GIMAP8: variants seen among roughly 807,000 people sequenced by gnomAD.
GIMAP8 encodes the protein GTPase, IMAP family member 8, also known as GTPase IMAP family member 8.
GIMAP8 carries 29 observed loss-of-function variants against 35.6 expected under a neutral mutation model. The observed-to-expected ratio is 0.81, with a 90% CI of 0.61 to 1.11. GIMAP8 has a LOEUF of 1.11. GIMAP8 is among the 50% of genes most tolerant of loss of function. The pLI, the probability that GIMAP8 is intolerant of heterozygous loss-of-function variation, is 0.00. For missense variants in GIMAP8, 811 were observed against 805.0 expected (o/e 1.01, Z -0.09); for synonymous variants, 335 against 308.7 (o/e 1.09, Z -0.89).
intron 1 of GIMAP8, among the ~76,000 whole-genome samples, chr7:150,460,792 G>C (rs554201168): frequency 2.1e-4 from 32 of 152,200 alleles, no homozygotes; most frequent in Non-Finnish European, 4.6e-4. Flanking sequence ...TGTGCATTTA[G>C]GGCCTACTTA....
chr7:150,468,133 C>A (rs958193505), intron 2 of GIMAP8, among the ~76,000 whole-genome samples: 1 of 152,126 alleles, frequency 6.6e-6, no homozygotes, highest in Admixed American at 6.5e-5. Context: ...CCAGAATCCA[C>A]CTGCTTCTCT....
intron 1 of GIMAP8, among the ~76,000 whole-genome samples, chr7:150,453,890 G>C (rs996035891): frequency 6.6e-6 from 1 of 151,522 alleles, no homozygotes; most frequent in Non-Finnish European, 1.5e-5. Flanking sequence ...GCATAGAGGG[G>C]TGGACAGCTC....
chr7:150,474,617 C>A lies in GIMAP8; in HGVS notation c.1288C>A (p.His430Asn). Reference sequence around the variant, plus strand: ...CATGGTGCATCAGAATGGGAACAAGCATTGTGTTTTCAGAGAAAAAGGTAA... The same window carrying A: ...CATGGTGCATCAGAATGGGAACAAGAATTGTGTTTTCAGAGAAAAAGGTAA... ...ESMVHQNGNKHCVFREKETLN... is the reference protein window; with the variant it reads ...ESMVHQNGNKNCVFREKETLN... Residue 430 changes from histidine (H) to asparagine (N), a missense_variant, in exon 4 of 5, where the codon CAT becomes AAT. By Grantham distance (68) the His-to-Asn change is moderately conservative. Transcript: ENST00000307271. The A allele has an allele frequency of 6.3e-7, 1 of 1,595,550 alleles. No homozygotes were observed. Among genetic ancestry groups the A allele is most frequent in the African/African-American group, 1.4e-5 (1 of 73,732 alleles).
intron 2 of GIMAP8, among the ~76,000 whole-genome samples, chr7:150,469,848 T>A (rs528718708): frequency 3.2e-4 from 49 of 152,366 alleles, no homozygotes; most frequent in African/African-American, 1.2e-3. Flanking sequence ...GTCCGTACTA[T>A]GGAATAAATT....
At position 150,466,850 on chromosome 7, in the gene GIMAP8, G is replaced by A. The variant is rs758956378; in HGVS notation, c.152G>A (p.Arg51Lys). 10 of 1,614,132 alleles carry A rather than the reference G, an allele frequency of 6.2e-6. No individual in the cohort carries two copies. Among genetic ancestry groups the A allele is most frequent in the Admixed American group, 1.7e-5 (1 of 60,010 alleles). ...SDQTVIKMCQRESWVLRERKV... is the reference protein window; with the variant it reads ...SDQTVIKMCQKESWVLRERKV... ...CAGACAGTGATCAAAATGTGCCAGA[G>A]AGAGAGTTGGGTCCTGAGAGAAAGG... Residue 51 changes from arginine to lysine, a missense_variant, in exon 2 of 5, where the codon AGA becomes AAA. Arg to Lys is a conservative substitution (Grantham distance 26). Transcript: ENST00000307271.
In GIMAP8 at chr7:150,466,940, G is replaced by C; in HGVS notation, c.242G>C (p.Arg81Pro). The C allele has an allele frequency of 6.2e-7, 1 of 1,614,196 alleles. No individual in the cohort carries two copies. The highest frequency in any genetic ancestry group is 8.5e-7 in the Non-Finnish European group (1 of 1,180,036). Residue 81 changes from arginine (R) to proline (P), a missense_variant, in exon 2 of 5, where the codon CGC becomes CCC. Transcript: ENST00000307271. The part of the protein sequence containing the change: ...SSIACAEDKQ[R>P]NIQHCLELSA... ...ATAGCTTGTGCTGAAGACAAGCAAC[G>C]CAACATCCAACACTGCTTGGAGCTC...
intron 1 of GIMAP8, among the ~76,000 whole-genome samples, chr7:150,456,579 A>G (rs545188395): frequency 4.6e-5 from 7 of 152,308 alleles, no homozygotes; most frequent in African/African-American, 1.4e-4. Context: ...CTGTCTCAAA[A>G]TTCTTAATAA....
rs373374121 is a variant in GIMAP8, at chr7:150,452,675, GATATATATATAT to G, written c.-29+1524_-29+1535del. On this transcript the variant is annotated intron_variant, in intron 1 of 4. Transcript: ENST00000307271. ...TATATGTGTGTGTGTGTGTGTGTGA[GATATATATATAT>G]ATATATATATATATATATATATACA... 3.5e-3 allele frequency among the ~76,000 whole-genome samples: 279 copies of G among 79,666 alleles called. 8 individuals carry two copies. The highest frequency in any genetic ancestry group is 0.013 in the African/African-American group (244 of 18,844). 52.3% of individuals were successfully genotyped at this position (79,666 alleles called of 152,430 possible).
At chr7:150,470,660 C>T (rs1453201763) in intron 2 of GIMAP8, among the ~76,000 whole-genome samples, 169 bp from the exon 3 acceptor site, 1 of 151,570 alleles carries the variant, frequency 6.6e-6, no homozygotes, top group Admixed American at 6.6e-5. Flanking sequence ...TGGACAGGTC[C>T]ACAAAGACCA....
Position 150,478,558 on chromosome 7 carries a change from T to A in GIMAP8, c.*778T>A, listed in dbSNP as rs1486261048. ...AGTTCTGTAATTCTAAGTGTTGTTCTAGATTTCCTCTAGAGAAGGTTATTA... is the reference window on the plus strand; with the variant it reads ...AGTTCTGTAATTCTAAGTGTTGTTCAAGATTTCCTCTAGAGAAGGTTATTA... On this transcript the variant is annotated 3_prime_UTR_variant, in exon 5 of 5. Coordinates refer to ENST00000307271, the MANE Select transcript of GIMAP8 (RefSeq NM_175571.4). 1 of 152,250 alleles carries A rather than the reference T, an allele frequency of 6.6e-6. No individual in the cohort carries two copies. Among genetic ancestry groups the A allele is most frequent in the Non-Finnish European group, 1.5e-5 (1 of 68,052 alleles). 9.4% of individuals were successfully genotyped at this position (152,250 alleles called of 1,614,324 possible).
chr7:150,468,592 A>G (rs1183953982), intron 2 of GIMAP8, among the ~76,000 whole-genome samples: 1 of 152,238 alleles, frequency 6.6e-6, no homozygotes, highest in Non-Finnish European at 1.5e-5. Flanking sequence ...GATGTACAGA[A>G]TGCATTATTA....
chr7:150,460,537 G>C (rs535640324), intron 1 of GIMAP8, among the ~76,000 whole-genome samples: 2 of 152,320 alleles, frequency 1.3e-5, no homozygotes, highest in East Asian at 3.9e-4. Flanking sequence ...CCCATTGGGA[G>C]GATTTTCCTT....
intron 1 of GIMAP8, among the ~76,000 whole-genome samples, chr7:150,465,107 G>C (rs940204922): frequency 9.9e-5 from 15 of 152,160 alleles, no homozygotes; most frequent in African/African-American, 3.1e-4. Context: ...AAGGATGCTG[G>C]AGCAGGCTTG....
intron 1 of GIMAP8, among the ~76,000 whole-genome samples, chr7:150,454,320 G>A (rs1801681513): frequency 6.6e-6 from 1 of 152,204 alleles, no homozygotes; most frequent in South Asian, 2.1e-4. Flanking sequence ...TTTAACAGGA[G>A]AGGAGAACTG....
chr7:150,452,675 G>GATAGATATAT (rs1379119203), intron 1 of GIMAP8, among the ~76,000 whole-genome samples: 1 of 79,658 alleles, frequency 1.3e-5, no homozygotes. Context: ...GTGTGTGTGA[G>GATAGATATAT]ATATATATAT....
chr7:150,475,055 C>T (rs1210886955), intron 4 of GIMAP8, among the ~76,000 whole-genome samples: 1 of 152,152 alleles, frequency 6.6e-6, no homozygotes, highest in Non-Finnish European at 1.5e-5. Flanking sequence ...GACATGAACT[C>T]ATCATTTTTT....
chr7:150,466,531 A>T (rs1294217012), intron 1 of GIMAP8, 140 bp from the exon 2 acceptor site: 2 of 663,836 alleles, frequency 3.0e-6, no homozygotes, highest in East Asian at 5.4e-5. Context: ...TCTTGTTCTA[A>T]TCTAGTCTGG....
In GIMAP8 at chr7:150,466,729, C is replaced by T; in HGVS notation, c.31C>T (p.Leu11=). The T allele has an allele frequency of 1.9e-6, 3 of 1,614,202 alleles. No homozygotes were observed. The highest frequency in any genetic ancestry group is 2.5e-6 in the Non-Finnish European group (3 of 1,180,030). The change falls in exon 2 of 5, where the codon CTG becomes TTG. Residue 11 remains leucine, a synonymous_variant. Coordinates refer to ENST00000307271, the MANE Select transcript of GIMAP8 (RefSeq NM_175571.4). The part of the protein sequence containing the change: MSEQSCQMSE[L]RLLLLGKCRS... ...AGAGCAGAGCTGCCAGATGTCCGAA[C>T]TGCGGCTCCTCCTCCTGGGAAAATG...
At chr7:150,457,622 A>T (rs1297691870) in intron 1 of GIMAP8, among the ~76,000 whole-genome samples, 1 of 152,256 alleles carries the variant, frequency 6.6e-6, no homozygotes, top group Non-Finnish European at 1.5e-5. Context: ...CTACAAAGCA[A>T]TAAATTATAC....
Sources: gnomAD v4.1 joint callset for allele counts (sites outside exome capture counted in the v4.1 genomes callset) on GRCh38, gnomAD v4.1.1 for gene constraint, MANE v1.5 for transcripts, NCBI Gene and HGNC (gene_info 2026-07-23, HGNC 2026-07-21) for gene names.